The following TBCD variants were observed in gnomAD, a reference collection of about 807,000 sequenced individuals.
TBCD encodes the protein tubulin folding cofactor D, also known as tubulin-specific chaperone D.
A neutral mutation model predicts 169.3 loss-of-function variants in TBCD; 105 were observed. The observed-to-expected ratio is 0.62, with a 90% CI of 0.53 to 0.73. TBCD has a LOEUF of 0.73. Among genes scored for constraint, TBCD ranks in the 30% least tolerant of loss-of-function variants. TBCD has a pLI of 0.00. For synonymous variants in TBCD, 700 were observed against 643.9 expected, an observed-to-expected ratio of 1.09 and a Z score of -1.32; for missense variants, 1,444 against 1,600.1, an observed-to-expected ratio of 0.90 and a Z score of 1.66.
chr17:82,942,606 A>G lies in TBCD; in HGVS notation c.*143A>G. On this transcript the variant is annotated 3_prime_UTR_variant, in exon 39 of 39. Coordinates refer to ENST00000355528, the MANE Select transcript of TBCD (RefSeq NM_005993.5). ...CCCTTGGAGGCTGGCACTAGCTGAC[A>G]GCTTTTCCTCTCTGCACCTGCGCTC... 8.9e-7 allele frequency: 1 copy of G among 1,118,952 alleles called. No individual in the cohort carries two copies. Among genetic ancestry groups the G allele is most frequent in the South Asian group, 1.3e-5 (1 of 75,226 alleles). The allele number at this position is 1,118,952 out of a possible 1,614,324, so 69.3% of individuals were successfully genotyped here. A position where few individuals can be genotyped will look rare whatever the true frequency, so the allele number is the denominator to read the frequency against.
intron 17 of TBCD, among the ~76,000 whole-genome samples, chr17:82,899,137 C>T (rs548407777): frequency 1.1e-4 from 16 of 151,840 alleles, no homozygotes; most frequent in Admixed American, 9.2e-4. Flanking sequence ...GTGCATGTGT[C>T]CTCCGCTAGT....
At chr17:82,813,276 T>C (rs574906922) in intron 12 of TBCD, among the ~76,000 whole-genome samples, 26 of 152,292 alleles carry the variant, frequency 1.7e-4, no homozygotes, top group African/African-American at 6.0e-4. Context: ...GCCTCCTCTC[T>C]CTCTCTCTCT....
At chr17:82,809,648 C>G (rs553985386) in intron 11 of TBCD, 60 bp from the exon 12 acceptor site, 1 of 1,553,892 alleles carries the variant, frequency 6.4e-7, no homozygotes, top group African/African-American at 1.4e-5. Flanking sequence ...ACACGTGTCA[C>G]GCATGCCCTT....
intron 23 of TBCD, among the ~76,000 whole-genome samples, chr17:82,917,900 CT>C (rs199701269): frequency 0.027 from 4,133 of 152,360 alleles, 87 homozygotes; most frequent in Non-Finnish European, 0.043. Context: ...CGCTCTGTCC[CT>C]CTCAGGTCTT....
rs559394414 is a variant in TBCD, at chr17:82,942,498, G to C, written c.*35G>C. On this transcript the variant is annotated 3_prime_UTR_variant, in exon 39 of 39. Coordinates refer to ENST00000355528, the MANE Select transcript of TBCD (RefSeq NM_005993.5). ...TGGAGCCCATACCTCACCCCTGCCTGGTGAGGATGTCTTGTTCCTGAGGGA... is the reference window on the plus strand; with the variant it reads ...TGGAGCCCATACCTCACCCCTGCCTCGTGAGGATGTCTTGTTCCTGAGGGA... 4 of 1,613,914 alleles carry C rather than the reference G, an allele frequency of 2.5e-6. No individual in the cohort carries two copies. In the East Asian group the frequency reaches 8.9e-5, roughly 36 times the overall value.
chr17:82,853,913 A>T (rs1480330253), intron 13 of TBCD, among the ~76,000 whole-genome samples: 8 of 152,008 alleles, frequency 5.3e-5, no homozygotes, highest in Admixed American at 5.2e-4. Context: ...TTTGTTTTTA[A>T]AAGTTGTGGT....
At chr17:82,797,463 C>T (rs2050181852) in intron 7 of TBCD, among the ~76,000 whole-genome samples, 2 of 152,114 alleles carry the variant, frequency 1.3e-5, no homozygotes, top group African/African-American at 4.8e-5. Context: ...TGAACTTAAA[C>T]CTGGGCACGT....
intron 11 of TBCD, among the ~76,000 whole-genome samples, chr17:82,808,948 G>T (rs899895698): frequency 6.6e-6 from 1 of 151,846 alleles, no homozygotes; most frequent in Non-Finnish European, 1.5e-5. Context: ...CAGGTGCTGG[G>T]GGATGAGGCA....
rs114471230 is a variant in TBCD, at chr17:82,759,046, G to A, written c.235+2831G>A. On this transcript the variant is annotated intron_variant, in intron 2 of 38. Transcript: ENST00000355528. ...TGTTTTTTTAAAGAGATGGGATCTC[G>A]CTCTGTCACCCAGGCTGGAGTGTAG... Among the ~76,000 whole-genome samples the A allele has an allele frequency of 7.6e-3, 1,151 of 151,156 alleles. 14 individuals carry two copies. The highest frequency in any genetic ancestry group is 0.027 in the African/African-American group (1,109 of 41,160).
intron 22 of TBCD, among the ~76,000 whole-genome samples, chr17:82,910,960 G>A (rs1212914425): frequency 1.3e-5 from 2 of 152,086 alleles, no homozygotes; most frequent in Admixed American, 6.6e-5. Context: ...CTGCCTCCTA[G>A]TCCTTCCAGG....
intron 1 of TBCD, among the ~76,000 whole-genome samples, chr17:82,754,784 G>T (rs2047314974): frequency 6.6e-6 from 1 of 152,252 alleles, no homozygotes; most frequent in Admixed American, 6.5e-5. Flanking sequence ...CAGATGTGGA[G>T]GTGGGAGCTG....
At chr17:82,934,616 G>A (rs906023984) in intron 34 of TBCD, among the ~76,000 whole-genome samples, 1 of 152,004 alleles carries the variant, frequency 6.6e-6, no homozygotes, top group Non-Finnish European at 1.5e-5. Context: ...GGGATTACAG[G>A]CATGTGCTAC....
In TBCD at chr17:82,835,444, C is replaced by T. The variant is rs933783274; in HGVS notation, c.1318+20510C>T. On this transcript the variant is annotated intron_variant, in intron 13 of 38. Coordinates refer to ENST00000355528, the MANE Select transcript of TBCD (RefSeq NM_005993.5). This position sits in a 1 kb window ranked among gnomAD's most constrained non-coding sequence, Gnocchi z 4.5. ...TTCTTTCTTTCTTTCTTTTTTGAGA[C>T]GGAGTTTTGGTCTTGTTGCCCAGGC... 1.3e-4 allele frequency among the ~76,000 whole-genome samples: 20 copies of T among 152,152 alleles called. No homozygotes were observed. Among genetic ancestry groups the T allele is most frequent in the Middle Eastern group, 6.8e-3 (2 of 294 alleles).
chr17:82,906,676 G>C (rs544591822), intron 20 of TBCD, among the ~76,000 whole-genome samples: 1 of 152,372 alleles, frequency 6.6e-6, no homozygotes, highest in South Asian at 2.1e-4. Flanking sequence ...TCGGACTCCA[G>C]TTTAAGAAAC....
chr17:82,896,313 C>T (rs1200885613), intron 17 of TBCD, among the ~76,000 whole-genome samples: 1 of 152,170 alleles, frequency 6.6e-6, no homozygotes, highest in Admixed American at 6.5e-5. Context: ...CTCCACTCAC[C>T]TGGTGAGGGG....
rs959996899 is a variant in TBCD, at chr17:82,779,822, G to A, written c.639-1767G>A. On this transcript the variant is annotated intron_variant, in intron 6 of 38. Transcript: ENST00000355528. ...ATAGCCTGGCAGCTCCAGCTTCCAC[G>A]TCTCACCTTGCCTGGGGTCTCCACG... 5.3e-5 allele frequency among the ~76,000 whole-genome samples: 8 copies of A among 152,170 alleles called. No homozygotes were observed. The South Asian group carries it at 8.3e-4, about 16-fold the overall frequency.
chr17:82,870,209 CTT>C lies in TBCD; in HGVS notation c.1319-14_1319-13del, dbSNP rs1567925651. ...TGGTCTGCTCCTCACCGTCTTTTCT[CTT>C]GTCCTTGCCCAGTTGTCGCCGTGAT... On this transcript the variant is annotated splice_polypyrimidine_tract_variant and intron_variant, in intron 13 of 38. Coordinates refer to ENST00000355528, the MANE Select transcript of TBCD (RefSeq NM_005993.5). 1 of 1,612,582 alleles carries C rather than the reference CTT, an allele frequency of 6.2e-7. No homozygotes were observed. Among genetic ancestry groups the C allele is most frequent in the Non-Finnish European group, 8.5e-7 (1 of 1,179,856 alleles).
intron 14 of TBCD, among the ~76,000 whole-genome samples, chr17:82,871,051 C>T (rs1453670245): frequency 6.6e-5 from 10 of 152,214 alleles, no homozygotes; most frequent in Non-Finnish European, 1.5e-4. Context: ...CTCTGGCTTC[C>T]TGATGAGAAA....
intron 7 of TBCD, among the ~76,000 whole-genome samples, chr17:82,797,321 G>C (rs2050171714): frequency 6.6e-6 from 1 of 152,228 alleles, no homozygotes; most frequent in Non-Finnish European, 1.5e-5. Flanking sequence ...TGTTGGTGAA[G>C]CATGAATGCA....
Sources: gnomAD v4.1 joint callset for allele counts (sites outside exome capture counted in the v4.1 genomes callset) on GRCh38, gnomAD v4.1.1 for gene constraint, Gnocchi (gnomAD v3.1) non-coding constraint, MANE v1.5 for transcripts, NCBI Gene and HGNC (gene_info 2026-07-23, HGNC 2026-07-21) for gene names.